RNF216: variants seen among roughly 807,000 people sequenced by gnomAD.
RNF216 encodes ring finger protein 216, also known as E3 ubiquitin-protein ligase RNF216.
RNF216 carries 72 observed loss-of-function variants against 110.8 expected under a neutral mutation model. That is an observed-to-expected ratio of 0.65 (90% confidence interval 0.54 to 0.79). The LOEUF is 0.79. Ranked by LOEUF, RNF216 falls within the 30% of genes least tolerant of loss-of-function variation. The pLI is 0.00. For synonymous variants in RNF216, 495 were observed against 407.5 expected, an observed-to-expected ratio of 1.21 and a Z score of -2.59; for missense variants, 1,342 against 1,141.2, an observed-to-expected ratio of 1.18 and a Z score of -2.54.
intron 13 of RNF216, among the ~76,000 whole-genome samples, chr7:5,702,731 T>G (rs1010003202): frequency 1.4e-4 from 21 of 152,032 alleles, no homozygotes; most frequent in African/African-American, 5.1e-4. Context: ...CTTTTAAATT[T>G]TAAAAAGTGA....
intron 10 of RNF216, among the ~76,000 whole-genome samples, 160 bp from the exon 11 acceptor site, chr7:5,715,350 TA>T: frequency 6.6e-6 from 1 of 152,354 alleles, no homozygotes; most frequent in East Asian, 1.9e-4. Flanking sequence ...TCGTGCTATA[TA>T]AATCTAGCTC....
At chr7:5,714,432 A>AT (rs1448034810) in intron 11 of RNF216, among the ~76,000 whole-genome samples, 1 of 151,774 alleles carries the variant, frequency 6.6e-6, no homozygotes, top group Non-Finnish European at 1.5e-5. Flanking sequence ...CTAATCTTGT[A>AT]TTTTTAGTAG....
chr7:5,677,689 T>C lies in RNF216; in HGVS notation c.2062-25179A>G, dbSNP rs186091431. The stretch of plus-strand genomic sequence containing the variant: ...CGCTATGAGAGTAGGTGAATCCCCT[T>C]CCAGTCCTGGCCTGACCTCATTCTC... On this transcript the variant is annotated intron_variant, in intron 13 of 16. Coordinates refer to ENST00000389902, the MANE Select transcript of RNF216 (RefSeq NM_207111.4). Among the ~76,000 whole-genome samples, 556 of 152,290 alleles carry C rather than the reference T, an allele frequency of 3.7e-3. 1 individual carries two copies. Among genetic ancestry groups the C allele is most frequent in the African/African-American group, 0.012 (503 of 41,556 alleles).
intron 3 of RNF216, among the ~76,000 whole-genome samples, chr7:5,747,290 T>A (rs1795077151): frequency 6.6e-6 from 1 of 152,200 alleles, no homozygotes; most frequent in Non-Finnish European, 1.5e-5. Flanking sequence ...GTCTTAATTA[T>A]AACTTATGAT....
intron 13 of RNF216, among the ~76,000 whole-genome samples, chr7:5,681,811 A>G (rs1403123296): frequency 1.3e-5 from 2 of 152,228 alleles, no homozygotes. Context: ...TCCTGACTAC[A>G]TAAACGGGAA....
intron 15 of RNF216, among the ~76,000 whole-genome samples, chr7:5,634,435 G>A (rs1027495998): frequency 1.3e-5 from 2 of 152,254 alleles, no homozygotes; most frequent in African/African-American, 4.8e-5. Flanking sequence ...ATTAGCCACA[G>A]ATCGCCTGAG....
At chr7:5,685,906 G>A (rs921184126) in intron 13 of RNF216, among the ~76,000 whole-genome samples, 3 of 152,128 alleles carry the variant, frequency 2.0e-5, no homozygotes, top group Non-Finnish European at 1.5e-5. Flanking sequence ...GCATTTCTAT[G>A]TACTGACCTT....
At chr7:5,742,209 G>C (rs993405103) in intron 3 of RNF216, among the ~76,000 whole-genome samples, 26 of 152,086 alleles carry the variant, frequency 1.7e-4, no homozygotes, top group African/African-American at 6.3e-4. Flanking sequence ...AACATGTCCA[G>C]CTAATTTTTG....
intron 13 of RNF216, among the ~76,000 whole-genome samples, chr7:5,695,215 T>C (rs1403760092): frequency 6.6e-6 from 1 of 152,186 alleles, no homozygotes; most frequent in Non-Finnish European, 1.5e-5. Context: ...GGCTTATAAA[T>C]CTAACATCTA....
At chr7:5,726,086 G>A (rs570971253) in intron 7 of RNF216, among the ~76,000 whole-genome samples, 23 of 152,130 alleles carry the variant, frequency 1.5e-4, no homozygotes, top group East Asian at 3.9e-4. Flanking sequence ...AGGCTTGCCC[G>A]GGCAACATGG....
intron 14 of RNF216, among the ~76,000 whole-genome samples, chr7:5,642,758 C>T (rs1787815944): frequency 6.6e-6 from 1 of 151,988 alleles, no homozygotes; most frequent in South Asian, 2.1e-4. Context: ...AGATTACAAG[C>T]GTGAGCCACT....
At chr7:5,716,588 G>T in intron 10 of RNF216, 128 bp downstream of exon 10, 1 of 656,976 alleles carries the variant, frequency 1.5e-6, no homozygotes. Context: ...TAACTTGGCT[G>T]AACTGCAAAC....
intron 1 of RNF216, among the ~76,000 whole-genome samples, chr7:5,770,256 GT>G (rs1796427431): frequency 6.6e-6 from 1 of 151,930 alleles, no homozygotes; most frequent in Admixed American, 6.6e-5. Flanking sequence ...GAGGTGGGGA[GT>G]TTGAGACCAG....
intron 13 of RNF216, among the ~76,000 whole-genome samples, chr7:5,654,599 A>G (rs1479720794): frequency 1.3e-5 from 2 of 150,322 alleles, no homozygotes; most frequent in Non-Finnish European, 3.0e-5. Context: ...AGGCAGGAGA[A>G]TCACTTGAAC....
chr7:5,741,723 C>G lies in RNF216; in HGVS notation c.294G>C (p.Lys98Asn), dbSNP rs140133975. The G allele has an allele frequency of 2.3e-5, 37 of 1,614,154 alleles. No individual in the cohort carries two copies. In the Admixed American group the frequency reaches 4.5e-4, roughly 20 times the overall value. Residue 98 changes from lysine (K) to asparagine (N), a missense_variant, in exon 4 of 17, where the codon AAG becomes AAC. Coordinates refer to ENST00000389902, the MANE Select transcript of RNF216 (RefSeq NM_207111.4). Reference sequence around the variant, plus strand: ...TATCTGATTCAAATGCTGCTCTAGACTTTTTAGGCCTTTCTTCTCCCAACC... The same window carrying G: ...TATCTGATTCAAATGCTGCTCTAGAGTTTTTAGGCCTTTCTTCTCCCAACC... ...LKRLGEERPKKSRAAFESDKS... is the reference protein window; with the variant it reads ...LKRLGEERPKNSRAAFESDKS...
chr7:5,667,993 C>T (rs901922647), intron 13 of RNF216, among the ~76,000 whole-genome samples: 1 of 152,100 alleles, frequency 6.6e-6, no homozygotes, highest in African/African-American at 2.4e-5. Flanking sequence ...CAGGTAACTT[C>T]GCGTTGGTAT....
intron 9 of RNF216, among the ~76,000 whole-genome samples, chr7:5,717,648 G>GT (rs1176107275): frequency 2.0e-5 from 3 of 152,140 alleles, no homozygotes; most frequent in Admixed American, 2.0e-4. Context: ...ATAAACTGTG[G>GT]TATTACATAA....
intron 3 of RNF216, among the ~76,000 whole-genome samples, chr7:5,744,651 A>C (rs1313789595): frequency 6.6e-6 from 1 of 152,154 alleles, no homozygotes; most frequent in Non-Finnish European, 1.5e-5. Flanking sequence ...ACAAACAAAC[A>C]AACAAAAAAC....
At position 5,622,849 on chromosome 7, in the gene RNF216, A is replaced by T. The variant is rs1427057109; in HGVS notation, c.*11T>A. 1.3e-6 allele frequency: 2 copies of T among 1,587,386 alleles called. No homozygotes were observed. The highest frequency in any genetic ancestry group is 8.6e-7 in the Non-Finnish European group (1 of 1,164,536). ...ACGGGCTTTGTGCTGCTCAATGGGG[A>T]TTCGGGGCCATCAGAAGCGATGCCG... On this transcript the variant is annotated 3_prime_UTR_variant, in exon 17 of 17. Transcript: ENST00000389902.
Sources: gnomAD v4.1 joint callset for allele counts (sites outside exome capture counted in the v4.1 genomes callset) on GRCh38, gnomAD v4.1.1 for gene constraint, MANE v1.5 for transcripts, NCBI Gene and HGNC (gene_info 2026-07-23, HGNC 2026-07-21) for gene names.